Variants in F2R observed in about 807,000 individuals in gnomAD.
F2R encodes the protein coagulation factor II thrombin receptor, also known as proteinase-activated receptor 1.
F2R carries 12 observed loss-of-function variants against 18.3 expected under a neutral mutation model. The observed-to-expected ratio is 0.66, with a 90% CI of 0.42 to 1.06. The LOEUF (loss-of-function observed/expected upper bound fraction) is 1.06. F2R is among the 50% of genes least tolerant of loss of function. The probability of loss-of-function intolerance (pLI) is 0.00; values close to 1 mark genes in which losing one functional copy is unlikely to be tolerated. For synonymous variants in F2R, 210 were observed against 219.9 expected (o/e 0.95, Z 0.40); for missense variants, 438 against 530.8 (o/e 0.83, Z 1.72).
At chr5:76,719,952 G>A (rs138623874) in intron 1 of F2R, among the ~76,000 whole-genome samples, 51 of 152,292 alleles carry the variant, frequency 3.3e-4, no homozygotes, top group African/African-American at 1.2e-3. Flanking sequence ...GATGTTACAA[G>A]AGATATTGCT....
At position 76,732,607 on chromosome 5, in the gene F2R, A is replaced by G; in HGVS notation, c.382A>G (p.Ile128Val). ...AAACATCATGGCCATCGTTGTGTTC[A>G]TCCTGAAAATGAAGGTCAAGAAGCC... ...PLNIMAIVVF[I>V]LKMKVKKPAV... The change falls in exon 2 of 2, where the codon ATC becomes GTC. Residue 128 changes from isoleucine (I) to valine (V), a missense_variant. Physicochemically the swap from Ile to Val is conservative, Grantham distance 29. Transcript: ENST00000319211. 2 of 1,614,168 alleles carry G rather than the reference A, an allele frequency of 1.2e-6. No individual in the cohort carries two copies. Among genetic ancestry groups the G allele is most frequent in the South Asian group, 1.1e-5 (1 of 91,078 alleles).
At chr5:76,716,666 G>GC in intron 1 of F2R, 1 of 746,794 alleles carries the variant, frequency 1.3e-6, no homozygotes, top group Non-Finnish European at 2.4e-6. Context: ...TGGAGCGGAA[G>GC]CCCCCTGGGG....
At chr5:76,726,507 G>A (rs929494270) in intron 1 of F2R, among the ~76,000 whole-genome samples, 13 of 151,716 alleles carry the variant, frequency 8.6e-5, no homozygotes, top group South Asian at 2.1e-4. Context: ...ACTGCAGTCC[G>A]GCCTGGGCGA....
intron 1 of F2R, among the ~76,000 whole-genome samples, chr5:76,729,078 C>T (rs755798526): frequency 1.3e-5 from 2 of 152,284 alleles, no homozygotes; most frequent in Admixed American, 1.3e-4. Flanking sequence ...TTTAGAGGAA[C>T]CTTCATACTG....
intron 1 of F2R, among the ~76,000 whole-genome samples, chr5:76,720,689 G>A (rs1422713747): frequency 6.6e-6 from 1 of 151,806 alleles, no homozygotes; most frequent in African/African-American, 2.4e-5. Context: ...CTACCCCCAG[G>A]AACCACCAGT....
At chr5:76,728,391 C>G (rs1399539241) in intron 1 of F2R, among the ~76,000 whole-genome samples, 1 of 152,194 alleles carries the variant, frequency 6.6e-6, no homozygotes, top group Non-Finnish European at 1.5e-5. Context: ...ATTCTCTTCT[C>G]TGCTTCCATG....
chr5:76,725,150 A>G (rs1406149596), intron 1 of F2R, among the ~76,000 whole-genome samples: 3 of 152,252 alleles, frequency 2.0e-5, no homozygotes, highest in African/African-American at 7.2e-5. Context: ...TATAAATCCC[A>G]GGATCAAATG....
intron 1 of F2R, among the ~76,000 whole-genome samples, chr5:76,724,947 T>G (rs989516110): frequency 6.6e-6 from 1 of 152,236 alleles, no homozygotes; most frequent in Non-Finnish European, 1.5e-5. Context: ...TTGACAGAGT[T>G]AGTGTGATTC....
In F2R at chr5:76,733,491, G is replaced by A; in HGVS notation, c.1266G>A (p.Lys422=). 6.2e-7 allele frequency: 1 copy of A among 1,606,424 alleles called. No individual in the cohort carries two copies. Among genetic ancestry groups the A allele is most frequent in the Non-Finnish European group, 8.5e-7 (1 of 1,177,002 alleles). ...ACCTGAATAACAGCATATACAAAAA[G>A]CTGTTAACTTAGGAAAAGGGACTGC... ...SSNLNNSIYK[K]LLT Residue 422 remains lysine (K), a synonymous_variant, in exon 2 of 2, where the codon AAG becomes AAA. Transcript: ENST00000319211.
At chr5:76,727,408 C>T (rs1002411973) in intron 1 of F2R, among the ~76,000 whole-genome samples, 2 of 152,206 alleles carry the variant, frequency 1.3e-5, no homozygotes, top group Non-Finnish European at 2.9e-5. Flanking sequence ...GCACAGGGTA[C>T]TGGAGGTTCA....
rs530176478 is a variant in F2R at position 76,730,660 on chromosome 5, T to G, written c.89-1654T>G. ...CTATCTACCTCTAATATAACTCAATTCTGACACTATCTATCTACCTGGAGA... is the reference window on the plus strand; with the variant it reads ...CTATCTACCTCTAATATAACTCAATGCTGACACTATCTATCTACCTGGAGA... On this transcript the variant is annotated intron_variant, in intron 1 of 1. Coordinates refer to ENST00000319211, the MANE Select transcript of F2R (RefSeq NM_001992.5). 2.7e-4 allele frequency among the ~76,000 whole-genome samples: 41 copies of G among 152,272 alleles called. No individual in the cohort carries two copies. In the East Asian group the frequency reaches 6.6e-3, roughly 24 times the overall value.
intron 1 of F2R, 145 bp from the exon 2 acceptor site, chr5:76,732,169 C>T: frequency 1.6e-6 from 1 of 628,166 alleles, no homozygotes; most frequent in South Asian, 2.1e-5. Context: ...CTAATAAAGT[C>T]TATTTGTGCA....
intron 1 of F2R, among the ~76,000 whole-genome samples, chr5:76,730,634 A>C (rs1048348174): frequency 5.9e-5 from 9 of 152,290 alleles, no homozygotes; most frequent in African/African-American, 1.9e-4. Flanking sequence ...AATTCTGGAC[A>C]CTATCTACCT....
At position 76,733,059 on chromosome 5, in the gene F2R, CT is replaced by C; in HGVS notation, c.840del (p.Phe280LeufsTer4). On this transcript the variant is annotated frameshift_variant, in exon 2 of 2. Transcript: ENST00000319211. LOFTEE classifies it low-confidence loss of function (END_TRUNC). ...YYFSAFSAVF[F>X]FVPLIISTVC... ...ACTTCTCAGCCTTCTCTGCTGTCTTCTTTTTTGTGCCGCTGATCATTTCCAC... is the reference window on the plus strand; with the variant it reads ...ACTTCTCAGCCTTCTCTGCTGTCTTCTTTTTGTGCCGCTGATCATTTCCAC... The C allele has an allele frequency of 6.2e-7, 1 of 1,614,164 alleles. No homozygotes were observed. The highest frequency in any genetic ancestry group is 8.5e-7 in the Non-Finnish European group (1 of 1,180,044).
chr5:76,732,109 T>C (rs779699241), intron 1 of F2R, among the ~76,000 whole-genome samples: 3 of 152,178 alleles, frequency 2.0e-5, no homozygotes, highest in Non-Finnish European at 4.4e-5. Context: ...TTAGGAAGTA[T>C]TGCTTATATC....
Position 76,732,669 on chromosome 5 carries a change from T to C in F2R, c.444T>C (p.Asp148=), listed in dbSNP as rs778691192. The C allele has an allele frequency of 3.7e-6, 6 of 1,614,254 alleles. No individual in the cohort carries two copies. In the East Asian group the frequency reaches 1.3e-4, roughly 36 times the overall value. ...ACATGCTGCACCTGGCCACGGCAGA[T>C]GTGCTGTTTGTGTCTGTGCTCCCCT... is the stretch of plus-strand genomic sequence containing the variant. The part of the protein sequence containing the change: ...VVYMLHLATA[D]VLFVSVLPFK... Residue 148 remains aspartate (D), a synonymous_variant, in exon 2 of 2, where the codon GAT becomes GAC. Transcript: ENST00000319211.
chr5:76,731,110 G>A (rs1748659929), intron 1 of F2R, among the ~76,000 whole-genome samples: 1 of 152,236 alleles, frequency 6.6e-6, no homozygotes, highest in Non-Finnish European at 1.5e-5. Context: ...CAGGAAAGAA[G>A]TAGAAGAATG....
chr5:76,731,564 C>G (rs1178762554), intron 1 of F2R, among the ~76,000 whole-genome samples: 2 of 150,482 alleles, frequency 1.3e-5, no homozygotes, highest in African/African-American at 4.9e-5. Context: ...GAGTCTCACT[C>G]TGTCGCCCAG....
chr5:76,729,974 G>T (rs568923131), intron 1 of F2R, among the ~76,000 whole-genome samples: 1 of 152,148 alleles, frequency 6.6e-6, no homozygotes, highest in Non-Finnish European at 1.5e-5. Flanking sequence ...AGTAAGATGT[G>T]ACTTGCTCCT....
Sources: allele counts gnomAD v4.1 joint callset (sites outside exome capture counted in the v4.1 genomes callset), GRCh38; gene constraint gnomAD v4.1.1; transcripts MANE v1.5; gene names NCBI Gene and HGNC (gene_info 2026-07-23, HGNC 2026-07-21).